Variants in ANKRD27 observed in about 807,000 individuals in gnomAD.
ANKRD27 encodes the protein ankyrin repeat domain-containing protein 27.
Under a neutral mutation model 129.7 loss-of-function variants are expected in ANKRD27, and 112 were observed. The ratio of observed to expected loss-of-function variants is 0.86; its 90% confidence interval spans 0.74 to 1.01. The LOEUF (loss-of-function observed/expected upper bound fraction) is 1.01, where lower values mean the gene tolerates loss of function less well. Among genes scored for constraint, ANKRD27 ranks in the 50% least tolerant of loss-of-function variants. The probability of loss-of-function intolerance (pLI) is 0.00; values close to 1 mark genes in which losing one functional copy is unlikely to be tolerated. For synonymous variants in ANKRD27, 516 were observed against 511.2 expected (o/e 1.01, Z -0.13); for missense variants, 1,258 against 1,300.5 (o/e 0.97, Z 0.50).
At chr19:32,603,967 C>G (rs1165897931) in intron 25 of ANKRD27, among the ~76,000 whole-genome samples, 1 of 152,256 alleles carries the variant, frequency 6.6e-6, no homozygotes, top group Middle Eastern at 3.4e-3. Flanking sequence ...GTGCCTGACT[C>G]TATGTAACTA....
intron 17 of ANKRD27, among the ~76,000 whole-genome samples, chr19:32,625,542 T>C (rs1055105230): frequency 6.6e-6 from 1 of 151,722 alleles, no homozygotes; most frequent in Non-Finnish European, 1.5e-5. Flanking sequence ...CTGATTCTCA[T>C]GCCTCAGACT....
chr19:32,622,338 A>AT, intron 18 of ANKRD27, 84 bp downstream of exon 18: 4 of 1,466,512 alleles, frequency 2.7e-6, no homozygotes, highest in Non-Finnish European at 3.8e-6. Flanking sequence ...ATAATGCACA[A>AT]TTTGTCTAGT....
intron 3 of ANKRD27, 71 bp from the exon 4 acceptor site, chr19:32,646,686 A>G: frequency 6.5e-7 from 1 of 1,533,726 alleles, no homozygotes; most frequent in Non-Finnish European, 8.8e-7. Flanking sequence ...CTGGCCCCCG[A>G]TGCAGCACTT....
chr19:32,601,525 T>C (rs563281571), intron 26 of ANKRD27, among the ~76,000 whole-genome samples: 7 of 141,534 alleles, frequency 4.9e-5, no homozygotes, highest in African/African-American at 1.9e-4. Flanking sequence ...GGCAGGAGAA[T>C]GGCGTGAACC....
At position 32,601,940 on chromosome 19, in the gene ANKRD27, A is replaced by T. The variant is rs571155598; in HGVS notation, c.2767+75T>A. On this transcript the variant is annotated intron_variant, in intron 26 of 28. Coordinates refer to ENST00000306065, the MANE Select transcript of ANKRD27 (RefSeq NM_032139.3). The stretch of plus-strand genomic sequence containing the variant: ...AATTACACTTTACATATACAATTAA[A>T]TGAACACCAGCAACTACTCATGAAT... 141 of 909,476 alleles carry T rather than the reference A, an allele frequency of 1.6e-4. 3 individuals are homozygous for T. The South Asian group carries it at 1.9e-3, about 12-fold the overall frequency. 56.3% of individuals were successfully genotyped at this position (909,476 alleles called of 1,614,324 possible). A position where few individuals can be genotyped will look rare whatever the true frequency, so the allele number is the denominator to read the frequency against.
intron 1 of ANKRD27, 44 bp from the exon 2 acceptor site, chr19:32,659,089 T>A (rs1189880520): frequency 2.0e-6 from 2 of 988,762 alleles, no homozygotes; most frequent in African/African-American, 3.2e-5. Context: ...ATTTTCGAGT[T>A]TACGTAACAC....
At chr19:32,656,386 C>T (rs1400531396) in intron 2 of ANKRD27, among the ~76,000 whole-genome samples, 6 of 152,208 alleles carry the variant, frequency 3.9e-5, no homozygotes, top group Admixed American at 6.5e-5. Flanking sequence ...GCCCACCTTG[C>T]GTCCCGTACT....
chr19:32,598,877 CTATGCTACA>C (rs1971609447), intron 28 of ANKRD27, among the ~76,000 whole-genome samples: 2 of 152,250 alleles, frequency 1.3e-5, no homozygotes, highest in South Asian at 4.1e-4. Context: ...TCCAACAAGC[CTATGCTACA>C]TATGCTATAA....
intron 9 of ANKRD27, 103 bp downstream of exon 9, chr19:32,643,020 A>T: frequency 1.8e-6 from 2 of 1,137,330 alleles, no homozygotes. Flanking sequence ...AACTAACCAC[A>T]TCAAACCAGC....
At chr19:32,660,564 C>T (rs541536539) in intron 1 of ANKRD27, among the ~76,000 whole-genome samples, 24 of 152,206 alleles carry the variant, frequency 1.6e-4, no homozygotes, top group African/African-American at 4.6e-4. Flanking sequence ...TTTGCTCCTC[C>T]GGCCACGTGA....
intron 18 of ANKRD27, among the ~76,000 whole-genome samples, chr19:32,621,793 G>A (rs546510224): frequency 2.6e-5 from 4 of 152,164 alleles, no homozygotes; most frequent in Non-Finnish European, 5.9e-5. Context: ...AGGGCCCTGT[G>A]CTCCCCCTGG....
chr19:32,656,896 G>A (rs563485554), intron 2 of ANKRD27, among the ~76,000 whole-genome samples: 121 of 152,164 alleles, frequency 8.0e-4, no homozygotes, highest in African/African-American at 2.7e-3. Flanking sequence ...GTGAAATGAA[G>A]AGATGACAGT....
chr19:32,610,128 G>A (rs1971812421), intron 22 of ANKRD27, among the ~76,000 whole-genome samples: 1 of 152,086 alleles, frequency 6.6e-6, no homozygotes. Context: ...TGGCCAACAT[G>A]GTGAAACTCC....
chr19:32,604,061 G>C (rs1350762770), intron 25 of ANKRD27, among the ~76,000 whole-genome samples: 1 of 152,178 alleles, frequency 6.6e-6, no homozygotes, highest in Non-Finnish European at 1.5e-5. Context: ...AATGATTCCT[G>C]GTTCCCAGAG....
rs1321338811 is a variant in ANKRD27, at chr19:32,600,027, G to C, written c.2791C>G (p.Pro931Ala). ...KKWNSKLYDLPDEPFTRQFYF... is the reference protein window; with the variant it reads ...KKWNSKLYDLADEPFTRQFYF... ...AACTGTCTTGTAAAAGGCTCATCTG[G>C]TAGATCATACAGTTTTGAGTTCCCT... Residue 931 changes from proline (P) to alanine (A), a missense_variant, in exon 27 of 29, where the codon CCA (proline) becomes GCA (alanine). Coordinates refer to ENST00000306065, the MANE Select transcript of ANKRD27 (RefSeq NM_032139.3). 6.2e-7 allele frequency: 1 copy of C among 1,612,860 alleles called. No individual in the cohort carries two copies. Among genetic ancestry groups the C allele is most frequent in the African/African-American group, 1.3e-5 (1 of 75,022 alleles).
intron 9 of ANKRD27, among the ~76,000 whole-genome samples, chr19:32,642,855 A>G (rs892241813): frequency 1.3e-5 from 2 of 152,186 alleles, no homozygotes; most frequent in African/African-American, 4.8e-5. Flanking sequence ...GGCAAATTAC[A>G]TGCCCACTTG....
intron 22 of ANKRD27, among the ~76,000 whole-genome samples, chr19:32,615,184 C>T (rs962879250): frequency 1.3e-5 from 2 of 152,212 alleles, no homozygotes; most frequent in African/African-American, 2.4e-5. Flanking sequence ...AGCTGGCACC[C>T]GCCCTAGGCT....
intron 1 of ANKRD27, 61 bp from the exon 2 acceptor site, chr19:32,659,106 G>T: frequency 1.8e-5 from 13 of 724,664 alleles, no homozygotes; most frequent in East Asian, 2.8e-5. Context: ...ACACATGAAA[G>T]TCTGCATCTG....
chr19:32,664,939 A>C (rs999008389), intron 1 of ANKRD27, among the ~76,000 whole-genome samples: 34 of 130,686 alleles, frequency 2.6e-4, no homozygotes, highest in Admixed American at 4.7e-4. Flanking sequence ...AAAAAAAAAA[A>C]CTGTTATTAA....
Sources: allele counts gnomAD v4.1 joint callset (sites outside exome capture counted in the v4.1 genomes callset), GRCh38; gene constraint gnomAD v4.1.1; transcripts MANE v1.5; gene names NCBI Gene and HGNC (gene_info 2026-07-23, HGNC 2026-07-21).